The following SMYD3 variants were observed in gnomAD, a reference collection of about 807,000 sequenced individuals.
SMYD3 encodes the protein SET and MYND domain containing 3.
SMYD3 carries 36 observed loss-of-function variants against 57.7 expected under a neutral mutation model. That is an observed-to-expected ratio of 0.62 (90% CI 0.48 to 0.82). SMYD3 has a LOEUF of 0.82. Ranked by LOEUF, SMYD3 falls within the 40% of genes least tolerant of loss-of-function variation. The pLI, the probability that SMYD3 is intolerant of heterozygous loss-of-function variation, is 0.00. For synonymous variants in SMYD3, 211 were observed against 195.0 expected (o/e 1.08, Z -0.68); for missense variants, 515 against 538.8 (o/e 0.96, Z 0.44).
chr1:246,451,384 T>A (rs1205552401), intron 1 of SMYD3, among the ~76,000 whole-genome samples: 2 of 152,192 alleles, frequency 1.3e-5, no homozygotes, highest in African/African-American at 4.8e-5. Flanking sequence ...GAAGCCAATG[T>A]GAAAAGGCTA....
intron 5 of SMYD3, among the ~76,000 whole-genome samples, chr1:246,180,816 GAGAATGGGTA>G (rs944442373): frequency 1.8e-4 from 21 of 117,280 alleles, no homozygotes; most frequent in Admixed American, 1.2e-3. Flanking sequence ...GAGGGCAGAA[GAGAATGGGTA>G]ATCACTATAC....
At chr1:246,444,134 T>C (rs2067513755) in intron 1 of SMYD3, among the ~76,000 whole-genome samples, 1 of 151,284 alleles carries the variant, frequency 6.6e-6, no homozygotes, top group Non-Finnish European at 1.5e-5. Context: ...AGAATTTTTT[T>C]TTTTTTTTTG....
At chr1:245,889,742 C>G (rs933278003) in intron 8 of SMYD3, among the ~76,000 whole-genome samples, 1 of 152,100 alleles carries the variant, frequency 6.6e-6, no homozygotes, top group African/African-American at 2.4e-5. Flanking sequence ...AACTAATCCC[C>G]AAATTTATAT....
chr1:246,344,326 T>G (rs2065677575), intron 2 of SMYD3, among the ~76,000 whole-genome samples: 1 of 152,256 alleles, frequency 6.6e-6, no homozygotes, highest in Non-Finnish European at 1.5e-5. Flanking sequence ...TCTATAATTG[T>G]AAGATCAGTT....
chr1:246,011,696 G>T (rs1334179472), intron 5 of SMYD3, among the ~76,000 whole-genome samples: 5 of 152,076 alleles, frequency 3.3e-5, no homozygotes, highest in African/African-American at 1.2e-4. Flanking sequence ...ATAGGAGAAT[G>T]GCATAACTAA....
At chr1:246,269,562 GTTGTT>G (rs1362040484) in intron 5 of SMYD3, among the ~76,000 whole-genome samples, 8 of 88,812 alleles carry the variant, frequency 9.0e-5, no homozygotes, top group South Asian at 4.1e-4. Flanking sequence ...TTTTGTTTTT[GTTGTT>G]TTGTTTTGTT....
At chr1:246,456,388 C>T (rs1405180351) in intron 1 of SMYD3, among the ~76,000 whole-genome samples, 1 of 152,194 alleles carries the variant, frequency 6.6e-6, no homozygotes, top group African/African-American at 2.4e-5. Flanking sequence ...CCCTAATAGG[C>T]ACACAAGGTC....
rs1280498501 is a variant in SMYD3 at position 245,816,887 on chromosome 1, G to C, written c.1076+41609C>G. ...CGAGATTATATCCCGCATCTGGCTC[G>C]GAGGGTCCTACCCGACGGAGTCTCG... On this transcript the variant is annotated intron_variant, in intron 10 of 11. Transcript: ENST00000490107. Among the ~76,000 whole-genome samples the C allele has an allele frequency of 2.3e-5, 3 of 128,364 alleles. No homozygotes were observed. The East Asian group carries it at 5.8e-4, about 25-fold the overall frequency. 84.2% of individuals were successfully genotyped at this position (128,364 alleles called of 152,430 possible). A position where few individuals can be genotyped will look rare whatever the true frequency, so the allele number is the denominator to read the frequency against.
chr1:246,253,318 T>C (rs1572283748), intron 5 of SMYD3, among the ~76,000 whole-genome samples: 1 of 152,336 alleles, frequency 6.6e-6, no homozygotes, highest in South Asian at 2.1e-4. Flanking sequence ...GCCATCTTTA[T>C]GTCCATGAGT....
intron 5 of SMYD3, among the ~76,000 whole-genome samples, chr1:246,126,264 T>G (rs1052614483): frequency 6.6e-6 from 1 of 152,192 alleles, no homozygotes; most frequent in Non-Finnish European, 1.5e-5. Context: ...CACAATGGCA[T>G]GTGGTAGACT....
intron 5 of SMYD3, among the ~76,000 whole-genome samples, chr1:246,060,582 A>ATTTTTTTTTTTTTTTTTT (rs1558191811): frequency 6.6e-6 from 1 of 152,166 alleles, no homozygotes; most frequent in Admixed American, 6.5e-5. Flanking sequence ...CATTTTAATA[A>ATTTTTTTTTTTTTTTTTT]ATTTTTATGA....
intron 5 of SMYD3, among the ~76,000 whole-genome samples, chr1:246,269,120 A>G (rs1165252887): frequency 6.6e-6 from 1 of 152,172 alleles, no homozygotes; most frequent in Non-Finnish European, 1.5e-5. Context: ...CCACCATACC[A>G]TCTAAAATGT....
chr1:246,402,204 C>T (rs143609535), intron 1 of SMYD3, among the ~76,000 whole-genome samples: 35 of 151,942 alleles, frequency 2.3e-4, no homozygotes, highest in African/African-American at 8.4e-4. Flanking sequence ...ATTAGCATAT[C>T]ACACATTTCA....
intron 5 of SMYD3, among the ~76,000 whole-genome samples, chr1:245,990,633 T>C (rs2058794829): frequency 6.6e-6 from 1 of 152,154 alleles, no homozygotes; most frequent in African/African-American, 2.4e-5. Context: ...TTGACAGGAA[T>C]CATCTTGGTC....
intron 8 of SMYD3, among the ~76,000 whole-genome samples, chr1:245,904,589 C>A (rs1289201750): frequency 2.6e-5 from 4 of 152,198 alleles, no homozygotes; most frequent in Non-Finnish European, 5.9e-5. Flanking sequence ...GAGGTCCGAA[C>A]TTGAGTGCCT....
At chr1:246,002,465 C>T (rs1369178544) in intron 5 of SMYD3, among the ~76,000 whole-genome samples, 2 of 52,252 alleles carry the variant, frequency 3.8e-5, no homozygotes, top group South Asian at 7.9e-4. Flanking sequence ...ATTACAGGCG[C>T]CCGCCACCAC....
chr1:246,237,503 C>T (rs1466762124), intron 5 of SMYD3, among the ~76,000 whole-genome samples: 4 of 152,186 alleles, frequency 2.6e-5, no homozygotes, highest in Non-Finnish European at 4.4e-5. Context: ...AACATCTCTT[C>T]AGACTGGATT....
At chr1:246,273,957 C>G (rs1023524666) in intron 5 of SMYD3, among the ~76,000 whole-genome samples, 1 of 152,092 alleles carries the variant, frequency 6.6e-6, no homozygotes, top group African/African-American at 2.4e-5. Context: ...CTTCTGCTAG[C>G]TTTGCATTTA....
At chr1:245,794,914 T>G (rs2047457315) in intron 10 of SMYD3, among the ~76,000 whole-genome samples, 1 of 152,254 alleles carries the variant, frequency 6.6e-6, no homozygotes, top group African/African-American at 2.4e-5. Context: ...CTTTAAGGAT[T>G]TGGAATAAAT....
Sources: gnomAD v4.1 joint callset for allele counts (sites outside exome capture counted in the v4.1 genomes callset) on GRCh38, gnomAD v4.1.1 for gene constraint, MANE v1.5 for transcripts, NCBI Gene and HGNC (gene_info 2026-07-23, HGNC 2026-07-21) for gene names.